CDH23: variants seen among roughly 807,000 people sequenced by gnomAD.
The protein encoded by CDH23 is cadherin-23.
In CDH23, 189 loss-of-function variants were observed where a neutral mutation model predicts 317.1. The observed-to-expected ratio is 0.60, with a 90% CI of 0.53 to 0.67. CDH23 has a LOEUF of 0.67. Among genes scored for constraint, CDH23 ranks in the 30% least tolerant of loss-of-function variants. The pLI is 0.00. For missense variants in CDH23, 4,401 were observed against 4,592.4 expected (o/e 0.96, Z 1.20); for synonymous variants, 1,839 against 1,876.8 (o/e 0.98, Z 0.52).
At chr10:71,765,971 T>C (rs1021527732) in intron 38 of CDH23, among the ~76,000 whole-genome samples, 2 of 152,104 alleles carry the variant, frequency 1.3e-5, no homozygotes, top group Non-Finnish European at 2.9e-5. Context: ...AGACTCCAGC[T>C]GGGACAAGGC....
At chr10:71,812,097 G>C in intron 66 of CDH23, 82 bp downstream of exon 66, 1 of 1,609,316 alleles carries the variant, frequency 6.2e-7, no homozygotes, top group South Asian at 1.1e-5. Context: ...GTCTCCCAGC[G>C]CTGGGGCTGC....
intron 3 of CDH23, among the ~76,000 whole-genome samples, chr10:71,472,075 C>T (rs1282915413): frequency 6.6e-6 from 1 of 152,192 alleles, no homozygotes; most frequent in East Asian, 1.9e-4. Context: ...CAGTCCCGAG[C>T]TTGTTTGTCC....
Position 71,751,671 on chromosome 10 carries a change from G to A in CDH23, c.4845+9750G>A, listed in dbSNP as rs1420901466. 1.3e-6 allele frequency: 2 copies of A among 1,529,528 alleles called. No individual in the cohort carries two copies. The highest frequency in any genetic ancestry group is 1.8e-6 in the Non-Finnish European group (2 of 1,139,552). 94.7% of individuals were successfully genotyped at this position (1,529,528 alleles called of 1,614,324 possible). A position where few individuals can be genotyped will look rare whatever the true frequency, so the allele number is the denominator to read the frequency against. ...GTGAAGGTCAGGAAACACTTACCCA[G>A]GGATGGGAAGAAGACGTCTCCGGGG... On this transcript the variant is annotated intron_variant, in intron 38 of 69. Coordinates refer to ENST00000224721, the MANE Select transcript of CDH23 (RefSeq NM_022124.6). The surrounding 1 kb of genome is among the most constrained non-coding windows in gnomAD (Gnocchi z 4.9).
intron 69 of CDH23, 63 bp from the exon 70 acceptor site, chr10:71,814,889 G>A (rs1300396726): frequency 1.0e-5 from 15 of 1,507,314 alleles, no homozygotes; most frequent in Non-Finnish European, 1.2e-5. Flanking sequence ...GGTCTCTGGG[G>A]CCATCCACCT....
At chr10:71,623,042 G>A (rs1861542987) in intron 11 of CDH23, 1 of 742,050 alleles carries the variant, frequency 1.3e-6, no homozygotes, top group Non-Finnish European at 1.6e-6. Context: ...CTATGTGCCT[G>A]CCACTGTGCT....
intron 38 of CDH23, among the ~76,000 whole-genome samples, chr10:71,758,655 C>A (rs1840211804): frequency 6.6e-6 from 1 of 152,174 alleles, no homozygotes; most frequent in East Asian, 1.9e-4. Context: ...TGAGCTTGGG[C>A]AAGTTAGCAT....
At chr10:71,599,951 A>ACTG (rs1158248132) in intron 9 of CDH23, among the ~76,000 whole-genome samples, 2 of 150,524 alleles carry the variant, frequency 1.3e-5, no homozygotes, top group Non-Finnish European at 2.9e-5. Flanking sequence ...CTGGAGGGAA[A>ACTG]CTGTGGGAAT....
intron 27 of CDH23, among the ~76,000 whole-genome samples, chr10:71,709,431 A>G (rs1051095602): frequency 6.6e-6 from 1 of 152,182 alleles, no homozygotes; most frequent in African/African-American, 2.4e-5. Context: ...TGGGAGCTAC[A>G]TGGGAGACCC....
chr10:71,402,391 C>T (rs1179976648), intron 1 of CDH23, among the ~76,000 whole-genome samples: 2 of 152,104 alleles, frequency 1.3e-5, no homozygotes, highest in Non-Finnish European at 2.9e-5. Flanking sequence ...GTTTGCAGGC[C>T]GACAGACTTG....
chr10:71,420,706 A>G (rs1346986511), intron 1 of CDH23, among the ~76,000 whole-genome samples: 1 of 152,054 alleles, frequency 6.6e-6, no homozygotes, highest in East Asian at 1.9e-4. Context: ...TAACAACCCT[A>G]TGAAGTAGGT....
intron 7 of CDH23, among the ~76,000 whole-genome samples, chr10:71,567,515 G>A (rs1376273159): frequency 6.6e-6 from 1 of 152,244 alleles, no homozygotes; most frequent in South Asian, 2.1e-4. Context: ...GCAGGAGAGG[G>A]TAATTATCCC....
At chr10:71,757,167 CT>C (rs1360772505) in intron 38 of CDH23, among the ~76,000 whole-genome samples, 1 of 152,264 alleles carries the variant, frequency 6.6e-6, no homozygotes, top group Non-Finnish European at 1.5e-5. Flanking sequence ...GCAAAGCACT[CT>C]CTTCTAGTGA....
rs746121407 is a variant in CDH23 at position 71,807,995 on chromosome 10, G to T, written c.8710G>T (p.Val2904Phe). The T allele has an allele frequency of 1.3e-5, 21 of 1,588,472 alleles. No homozygotes were observed. In the East Asian group the frequency reaches 3.7e-4, roughly 28 times the overall value. The change falls in exon 60 of 70, where the codon GTC (valine) becomes TTC (phenylalanine). Residue 2904 changes from valine (V) to phenylalanine (F), a missense_variant. Physicochemically the swap from Val to Phe is conservative, Grantham distance 50 (BLOSUM62 -1). Transcript: ENST00000224721. ...LANDSEDVGQ[V>F]FTMGSMDGIL... is the part of the protein sequence containing the mutation. ...CAACGACTCTGAAGATGTGGGCCAG[G>T]TCTTCACCATGGGTAGGGCCTGGCA...
intron 38 of CDH23, among the ~76,000 whole-genome samples, chr10:71,746,551 G>A (rs1839857111): frequency 6.6e-6 from 1 of 152,208 alleles, no homozygotes; most frequent in African/African-American, 2.4e-5. Flanking sequence ...TCCAGGCCAT[G>A]GGAAGACAGG....
intron 11 of CDH23, among the ~76,000 whole-genome samples, chr10:71,640,384 C>T (rs988052807): frequency 1.8e-4 from 27 of 152,226 alleles, no homozygotes; most frequent in African/African-American, 5.8e-4. Context: ...TTGCTTCTTC[C>T]CAGCATCACT....
At chr10:71,712,634 G>A in intron 27 of CDH23, 31 bp from the exon 28 acceptor site, 1 of 1,610,740 alleles carries the variant, frequency 6.2e-7, no homozygotes, top group Non-Finnish European at 8.5e-7. Context: ...TCAGGCAGCT[G>A]CTAACACCTG....
chr10:71,738,449 G>C, intron 34 of CDH23, 49 bp from the exon 35 acceptor site: 1 of 1,612,086 alleles, frequency 6.2e-7, no homozygotes, highest in Non-Finnish European at 8.5e-7. Flanking sequence ...GGTGTTTGGG[G>C]CCAAGGAGGG....
At chr10:71,554,739 T>TC (rs1856786878) in intron 6 of CDH23, among the ~76,000 whole-genome samples, 1 of 152,170 alleles carries the variant, frequency 6.6e-6, no homozygotes, top group Non-Finnish European at 1.5e-5. Flanking sequence ...TTTTTTTTTT[T>TC]TTGGCCTTTG....
intron 38 of CDH23, chr10:71,773,609 G>T (rs943741411): frequency 2.8e-5 from 15 of 542,664 alleles, no homozygotes; most frequent in Non-Finnish European, 4.5e-5. Context: ...GGGGCCGTGT[G>T]GGGGAACTGC....
Sources: allele counts gnomAD v4.1 joint callset (sites outside exome capture counted in the v4.1 genomes callset), GRCh38; gene constraint gnomAD v4.1.1; non-coding constraint Gnocchi (gnomAD v3.1); transcripts MANE v1.5; gene names NCBI Gene and HGNC (gene_info 2026-07-23, HGNC 2026-07-21).